Variants in CDK14 observed in about 807,000 individuals in gnomAD.
CDK14 encodes cyclin dependent kinase 14, also known as cyclin-dependent kinase 14.
In CDK14, 34 loss-of-function variants were observed where a neutral mutation model predicts 60.7. The observed-to-expected ratio is 0.56, with a 90% CI of 0.43 to 0.75. CDK14 has a LOEUF of 0.75. CDK14 is among the 30% of genes least tolerant of loss of function. CDK14 has a pLI of 0.00. For synonymous variants in CDK14, 197 were observed against 203.7 expected (o/e 0.97, Z 0.28); for missense variants, 482 against 564.1 (o/e 0.85, Z 1.47).
Position 91,004,675 on chromosome 7 carries a change from G to T in CDK14, c.1041+20434G>T, listed in dbSNP as rs544514112. Among the ~76,000 whole-genome samples, 6 of 152,308 alleles carry T rather than the reference G, an allele frequency of 3.9e-5. No homozygotes were observed. In the South Asian group the frequency reaches 1.0e-3, roughly 26 times the overall value. ...ACAGGGGAAGTTTTGAAGTGAAGCGGTGAGTAGCGTGCAGATCTGACCATG... is the reference window on the plus strand; with the variant it reads ...ACAGGGGAAGTTTTGAAGTGAAGCGTTGAGTAGCGTGCAGATCTGACCATG... On this transcript the variant is annotated intron_variant, in intron 10 of 14. Coordinates refer to ENST00000380050, the MANE Select transcript of CDK14 (RefSeq NM_001287135.2).
chr7:90,808,268 T>C (rs948452393), intron 5 of CDK14, among the ~76,000 whole-genome samples: 117 of 152,306 alleles, frequency 7.7e-4, no homozygotes, highest in African/African-American at 2.5e-3. Flanking sequence ...GTGGATCTCT[T>C]GGCAGAAACC....
intron 5 of CDK14, among the ~76,000 whole-genome samples, chr7:90,797,098 T>C (rs984128736): frequency 6.6e-5 from 10 of 151,822 alleles, no homozygotes; most frequent in African/African-American, 2.4e-4. Context: ...CCATGTACAG[T>C]ATAAGATAAG....
At chr7:90,973,163 T>G (rs1030539885) in intron 9 of CDK14, among the ~76,000 whole-genome samples, 4 of 152,166 alleles carry the variant, frequency 2.6e-5, no homozygotes, top group African/African-American at 9.7e-5. Flanking sequence ...CATCCTTCTT[T>G]CCAAAGGTTT....
chr7:91,093,452 A>G (rs1186535511), intron 12 of CDK14, among the ~76,000 whole-genome samples: 1 of 152,226 alleles, frequency 6.6e-6, no homozygotes, highest in Non-Finnish European at 1.5e-5. Flanking sequence ...ATTGGCAAAG[A>G]GAGTAGTATA....
intron 5 of CDK14, among the ~76,000 whole-genome samples, chr7:90,834,502 G>A (rs1310984713): frequency 6.6e-6 from 1 of 152,190 alleles, no homozygotes; most frequent in Non-Finnish European, 1.5e-5. Flanking sequence ...AGCCACTGGA[G>A]TAATTGGGAA....
At chr7:90,679,608 A>G (rs1801273137) in intron 2 of CDK14, among the ~76,000 whole-genome samples, 3 of 152,200 alleles carry the variant, frequency 2.0e-5, no homozygotes, top group Admixed American at 2.0e-4. Flanking sequence ...AAGTAATAGT[A>G]CAGAGAAATG....
intron 14 of CDK14, among the ~76,000 whole-genome samples, chr7:91,145,983 A>T (rs988740325): frequency 2.0e-5 from 3 of 151,962 alleles, no homozygotes; most frequent in African/African-American, 7.3e-5. Flanking sequence ...CACAGATTAA[A>T]TATCCTTTTA....
intron 14 of CDK14, among the ~76,000 whole-genome samples, chr7:91,174,344 A>G (rs970297689): frequency 8.6e-5 from 13 of 151,244 alleles, no homozygotes; most frequent in African/African-American, 3.2e-4. Context: ...AGATAAAACC[A>G]CAAAGATGGG....
chr7:91,197,874 C>T (rs957368406), intron 14 of CDK14, among the ~76,000 whole-genome samples: 4 of 152,170 alleles, frequency 2.6e-5, no homozygotes, highest in South Asian at 2.1e-4. Context: ...GCATGGAGTG[C>T]GTGTTGGAGG....
rs191903174 is a variant in CDK14, at chr7:90,603,706, C to T, written c.92-512C>T. ...TACTTTGTTATAAAATTTATCATGT[C>T]GAAATGTTTAAATTATGTCTCTTAC... On this transcript the variant is annotated intron_variant, in intron 1 of 14. Transcript: ENST00000380050. Among the ~76,000 whole-genome samples the T allele has an allele frequency of 2.6e-4, 39 of 152,220 alleles. 1 individual carries two copies. In the East Asian group the frequency reaches 4.2e-3, roughly 17 times the overall value.
At chr7:90,880,195 C>T (rs1034787718) in intron 6 of CDK14, among the ~76,000 whole-genome samples, 2 of 152,228 alleles carry the variant, frequency 1.3e-5, no homozygotes, top group Non-Finnish European at 2.9e-5. Flanking sequence ...TGCTAAGCTC[C>T]CTGGGCAAGG....
At position 90,997,617 on chromosome 7, in the gene CDK14, G is replaced by A. The variant is rs1298208299; in HGVS notation, c.1041+13376G>A. ...ACAAATTACTATCAATTTGCTCTAA[G>A]TAAAATTTGGTATTAAAAATGTTTC... On this transcript the variant is annotated intron_variant, in intron 10 of 14. Transcript: ENST00000380050. Among the ~76,000 whole-genome samples, 4 of 152,294 alleles carry A rather than the reference G, an allele frequency of 2.6e-5. No homozygotes were observed. In the East Asian group the frequency reaches 7.7e-4, roughly 29 times the overall value.
intron 12 of CDK14, among the ~76,000 whole-genome samples, chr7:91,088,395 C>T (rs984644696): frequency 6.6e-6 from 1 of 152,158 alleles, no homozygotes. Context: ...TTCATTATGT[C>T]TTTAACAACA....
rs920205125 is a variant in CDK14 at position 91,178,637 on chromosome 7, G to A, written c.*29-28528G>A. Reference sequence around the variant, plus strand: ...CAGGAAAAAAACAACCCCATCAAAAGGTGGGCGAAGGACATGAACAGACAC... The same window carrying A: ...CAGGAAAAAAACAACCCCATCAAAAAGTGGGCGAAGGACATGAACAGACAC... On this transcript the variant is annotated intron_variant, in intron 14 of 14. Coordinates refer to ENST00000380050, the MANE Select transcript of CDK14 (RefSeq NM_001287135.2). Among the ~76,000 whole-genome samples the A allele has an allele frequency of 2.4e-4, 36 of 152,098 alleles. No homozygotes were observed. In the East Asian group the frequency reaches 4.3e-3, roughly 18 times the overall value.
intron 14 of CDK14, among the ~76,000 whole-genome samples, chr7:91,161,970 CG>C (rs775054417): frequency 7.6e-4 from 115 of 152,274 alleles, no homozygotes; most frequent in Admixed American, 1.8e-3. Flanking sequence ...AAAACCTACA[CG>C]GAAGTCGAGA....
chr7:90,803,975 T>C (rs1005544944), intron 5 of CDK14, among the ~76,000 whole-genome samples: 5 of 152,196 alleles, frequency 3.3e-5, no homozygotes, highest in South Asian at 2.1e-4. Flanking sequence ...TGGCACATGA[T>C]AGGCACTCAG....
chr7:91,201,946 C>T (rs1484814496), intron 14 of CDK14, among the ~76,000 whole-genome samples: 2 of 152,138 alleles, frequency 1.3e-5, no homozygotes, highest in Non-Finnish European at 2.9e-5. Context: ...GGGGTGCCTG[C>T]GCAGGCAGTA....
intron 12 of CDK14, among the ~76,000 whole-genome samples, chr7:91,090,831 C>T (rs1798781328): frequency 2.0e-5 from 3 of 152,100 alleles, no homozygotes; most frequent in Admixed American, 2.0e-4. Context: ...ATTTCGGCAG[C>T]ACTGATTCTG....
At chr7:90,950,422 G>A (rs1038020585) in intron 8 of CDK14, among the ~76,000 whole-genome samples, 9 of 152,168 alleles carry the variant, frequency 5.9e-5, no homozygotes, top group African/African-American at 2.2e-4. Context: ...TCTATATTTT[G>A]AAGATAATAT....
Sources: gnomAD v4.1 joint callset for allele counts (sites outside exome capture counted in the v4.1 genomes callset) on GRCh38, gnomAD v4.1.1 for gene constraint, MANE v1.5 for transcripts, NCBI Gene and HGNC (gene_info 2026-07-23, HGNC 2026-07-21) for gene names.